SERPINA10: variants seen among roughly 807,000 people sequenced by gnomAD.
SERPINA10 encodes the protein serpin family A member 10.
A neutral mutation model predicts 28.0 loss-of-function variants in SERPINA10; 24 were observed. The observed-to-expected ratio is 0.86, with a 90% CI of 0.62 to 1.20. The LOEUF (loss-of-function observed/expected upper bound fraction) is 1.20, where lower values mean the gene tolerates loss of function less well. Ranked by LOEUF, SERPINA10 falls within the 50% of genes most tolerant of loss-of-function variation. The pLI is 0.00. For missense variants in SERPINA10, 521 were observed against 537.7 expected (o/e 0.97, Z 0.31); for synonymous variants, 207 against 203.9 (o/e 1.02, Z -0.13).
intron 2 of SERPINA10, among the ~76,000 whole-genome samples, chr14:94,289,586 TC>T (rs1895108814): frequency 6.6e-6 from 1 of 151,600 alleles, no homozygotes; most frequent in African/African-American, 2.4e-5. Context: ...CCCCAGATAA[TC>T]CCCCAGCCCC....
At chr14:94,286,010 C>T in intron 4 of SERPINA10, 98 bp downstream of exon 4, 26 of 1,434,394 alleles carry the variant, frequency 1.8e-5, no homozygotes, top group Non-Finnish European at 2.5e-5. Context: ...TTTTCCACTA[C>T]AATTAGGTAT....
intron 2 of SERPINA10, among the ~76,000 whole-genome samples, 176 bp downstream of exon 2, chr14:94,289,700 G>A (rs1411831520): frequency 2.6e-5 from 4 of 152,210 alleles, no homozygotes; most frequent in African/African-American, 4.8e-5. Flanking sequence ...CCAGGGAAGG[G>A]CCTCAAATGA....
chr14:94,290,653 G>A lies in SERPINA10; in HGVS notation c.-50-10C>T. The A allele has an allele frequency of 6.3e-7, 1 of 1,599,786 alleles. No individual in the cohort carries two copies. The highest frequency in any genetic ancestry group is 1.1e-5 in the South Asian group (1 of 88,800). The stretch of plus-strand genomic sequence containing the variant: ...TCAGCTGCAAGACTTCCTGTGGAGA[G>A]GAGAGGATAGAGATGGTTTTAATGC... On this transcript the variant is annotated splice_polypyrimidine_tract_variant and intron_variant, in intron 1 of 4. Transcript: ENST00000261994.
intron 1 of SERPINA10, among the ~76,000 whole-genome samples, chr14:94,292,328 A>C (rs559669909): frequency 6.6e-6 from 1 of 152,220 alleles, no homozygotes; most frequent in East Asian, 1.9e-4. Context: ...CTGCAAGCCA[A>C]GAAGACAGCC....
chr14:94,284,071 A>C lies in SERPINA10; in HGVS notation c.1229T>G (p.Met410Arg), dbSNP rs117152910. The change falls in exon 5 of 5, where the codon ATG (methionine) becomes AGG (arginine). Residue 410 changes from methionine (M) to arginine (R), a missense_variant. By Grantham distance (91) the Met-to-Arg change is moderately conservative (BLOSUM62 -1). Coordinates refer to ENST00000261994, the MANE Select transcript of SERPINA10 (RefSeq NM_001100607.3). ...GILSEITAYSMPPVIKVDRPF... is the reference protein window; with the variant it reads ...GILSEITAYSRPPVIKVDRPF... The stretch of plus-strand genomic sequence containing the variant: ...CCGGTCCACTTTGATGACAGGAGGC[A>C]TGGAATAAGCAGTAATTTCTGACAA... 2.3e-3 allele frequency: 3,657 copies of C among 1,614,184 alleles called. 86 individuals are homozygous for C. The East Asian group carries it at 0.027, about 12-fold the overall frequency.
intron 1 of SERPINA10, chr14:94,292,640 G>T (rs1319005858): frequency 1.4e-6 from 1 of 701,590 alleles, no homozygotes; most frequent in African/African-American, 1.8e-5. Context: ...CCTGCAGTCT[G>T]CAGTGGTAGC....
chr14:94,290,744 A>G, intron 1 of SERPINA10, 101 bp from the exon 2 acceptor site: 2 of 1,348,358 alleles, frequency 1.5e-6, no homozygotes, highest in Middle Eastern at 2.6e-4. Context: ...CTGTGGCTCA[A>G]GTAGGTTAGC....
rs573377086 is a variant in SERPINA10 at position 94,280,614 on chromosome 14, C to A, written c.*3351G>T. 5.3e-5 allele frequency: 8 copies of A among 152,282 alleles called. No individual in the cohort carries two copies. Among genetic ancestry groups the A allele is most frequent in the African/African-American group, 1.9e-4 (8 of 41,558 alleles). The allele number at this position is 152,282 out of a possible 1,614,324, so 9.4% of individuals were successfully genotyped here. A position where few individuals can be genotyped will look rare whatever the true frequency, so the allele number is the denominator to read the frequency against. On this transcript the variant is annotated 3_prime_UTR_variant, in exon 5 of 5. Coordinates refer to ENST00000261994, the MANE Select transcript of SERPINA10 (RefSeq NM_001100607.3). ...ACTTTTGTGAAAGTTCTCAGTTTAA[C>A]AACTTATCAAATTAATCCTTTAAGC...
Position 94,290,335 on chromosome 14 carries a change from G to T in SERPINA10, c.259C>A (p.Leu87Met). ...TCGTGCCTCATGGAGATCTTTCGCAGCAGGCTGAATCCGAAGTTTGAAGTC... is the reference window on the plus strand; with the variant it reads ...TCGTGCCTCATGGAGATCTTTCGCATCAGGCTGAATCCGAAGTTTGAAGTC... ...KETSNFGFSL[L>M]RKISMRHDGN... Residue 87 changes from leucine to methionine, a missense_variant, in exon 2 of 5, where the codon CTG (leucine) becomes ATG (methionine). Transcript: ENST00000261994. The T allele has an allele frequency of 6.2e-7, 1 of 1,614,228 alleles. No individual in the cohort carries two copies. The highest frequency in any genetic ancestry group is 8.5e-7 in the Non-Finnish European group (1 of 1,180,048).
chr14:94,284,499 G>C (rs1894974549), intron 4 of SERPINA10, among the ~76,000 whole-genome samples: 1 of 152,194 alleles, frequency 6.6e-6, no homozygotes, highest in African/African-American at 2.4e-5. Context: ...GCTCCTAAAA[G>C]GTTTTCAAGC....
chr14:94,283,939 C>A lies in SERPINA10; in HGVS notation c.*26G>T. On this transcript the variant is annotated 3_prime_UTR_variant, in exon 5 of 5. Transcript: ENST00000261994. ...ACCTCAGATTCAGCATCTACTACAG[C>A]ACGAAGTGCTTATGCGTGTCCTGAA... The A allele has an allele frequency of 6.2e-7, 1 of 1,610,642 alleles. No homozygotes were observed. Among genetic ancestry groups the A allele is most frequent in the South Asian group, 1.1e-5 (1 of 90,996 alleles).
chr14:94,288,250 G>C (rs1212586131), intron 3 of SERPINA10, 36 bp downstream of exon 3: 2 of 1,612,124 alleles, frequency 1.2e-6, no homozygotes, highest in Non-Finnish European at 1.7e-6. Context: ...AGTACAGAAA[G>C]GTAGAGTTTG....
In SERPINA10 at chr14:94,290,104, TCC is replaced by T; in HGVS notation, c.488_489del (p.Gly163GlufsTer10). 6.2e-7 allele frequency: 1 copy of T among 1,614,178 alleles called. No individual in the cohort carries two copies. Among genetic ancestry groups the T allele is most frequent in the Middle Eastern group, 1.6e-4 (1 of 6,062 alleles). Reference protein sequence around the residue: ...SRNLELGLTQGSFAFIHKDFD... With the variant: ...SRNLELGLTQXSFAFIHKDFD... ...AAATCCTTGTGGATGAAGGCAAAACTCCCCTGTGTGAGGCCCAGTTCCAGGTT... is the reference window on the plus strand; with the variant it reads ...AAATCCTTGTGGATGAAGGCAAAACTCCTGTGTGAGGCCCAGTTCCAGGTT... On this transcript the variant is annotated frameshift_variant, in exon 2 of 5. Transcript: ENST00000261994. LOFTEE classifies it high-confidence loss of function.
rs1894909317 is a variant in SERPINA10 at position 94,281,847 on chromosome 14, A to G, written c.*2118T>C. ...CCTTTTTATTACTGGGTTTGGCCAT[A>G]TTGATTTCAGTGAGTATTGTGCTCT... On this transcript the variant is annotated 3_prime_UTR_variant, in exon 5 of 5. Transcript: ENST00000261994. 1 of 152,294 alleles carries G rather than the reference A, an allele frequency of 6.6e-6. No individual in the cohort carries two copies. Among genetic ancestry groups the G allele is most frequent in the South Asian group, 2.1e-4 (1 of 4,826 alleles). 9.4% of individuals were successfully genotyped at this position (152,294 alleles called of 1,614,324 possible).
intron 3 of SERPINA10, among the ~76,000 whole-genome samples, chr14:94,286,924 G>A (rs570014823): frequency 6.6e-6 from 1 of 152,270 alleles, no homozygotes; most frequent in Non-Finnish European, 1.5e-5. Context: ...AATGAAAGAA[G>A]AATAATGAAG....
At chr14:94,289,410 C>T (rs368566902) in intron 2 of SERPINA10, among the ~76,000 whole-genome samples, 2 of 152,246 alleles carry the variant, frequency 1.3e-5, no homozygotes, top group Non-Finnish European at 1.5e-5. Flanking sequence ...AATAGATACT[C>T]AGTGTCTGCT....
At chr14:94,284,295 T>A (rs1894970307) in intron 4 of SERPINA10, 139 bp from the exon 5 acceptor site, 4 of 789,040 alleles carry the variant, frequency 5.1e-6, no homozygotes, top group Admixed American at 4.0e-5. Flanking sequence ...CCCATCTACG[T>A]TAAGAGGAGT....
chr14:94,289,023 C>T (rs1566719022), intron 2 of SERPINA10, among the ~76,000 whole-genome samples: 1 of 152,240 alleles, frequency 6.6e-6, no homozygotes, highest in Non-Finnish European at 1.5e-5. Flanking sequence ...TTCTCACCCA[C>T]CCACTGTTTA....
rs1894951723 is a variant in SERPINA10, at chr14:94,283,747, A to G, written c.*218T>C. 6.8e-6 allele frequency: 4 copies of G among 585,018 alleles called. No individual in the cohort carries two copies. The South Asian group carries it at 8.8e-5, about 13-fold the overall frequency. The allele number at this position is 585,018 out of a possible 1,614,324, so 36.2% of individuals were successfully genotyped here. On this transcript the variant is annotated 3_prime_UTR_variant, in exon 5 of 5. Transcript: ENST00000261994. ...GTATGTGTAGGAAAAAATATATATAAGGTTCAGCACTGTCCACCGTTTCAG... is the reference window on the plus strand; with the variant it reads ...GTATGTGTAGGAAAAAATATATATAGGGTTCAGCACTGTCCACCGTTTCAG...
Sources: gnomAD v4.1 joint callset for allele counts (sites outside exome capture counted in the v4.1 genomes callset) on GRCh38, gnomAD v4.1.1 for gene constraint, MANE v1.5 for transcripts, NCBI Gene and HGNC (gene_info 2026-07-23, HGNC 2026-07-21) for gene names.